FLACC1: variants seen among roughly 807,000 people sequenced by gnomAD.
FLACC1 encodes the protein flagellum-associated coiled-coil domain-containing protein 1.
A neutral mutation model predicts 62.8 loss-of-function variants in FLACC1; 66 were observed. That is an observed-to-expected ratio of 1.05 (90% CI 0.86 to 1.29). FLACC1 has a LOEUF of 1.29. Ranked by LOEUF, FLACC1 falls within the 50% of genes most tolerant of loss-of-function variation. The pLI, the probability that FLACC1 is intolerant of heterozygous loss-of-function variation, is 0.00. For missense variants in FLACC1, 452 were observed against 489.1 expected, an observed-to-expected ratio of 0.92 and a Z score of 0.71; for synonymous variants, 156 against 161.0, an observed-to-expected ratio of 0.97 and a Z score of 0.24.
chr2:201,317,500 G>A (rs1055480672), intron 9 of FLACC1, among the ~76,000 whole-genome samples: 1 of 152,158 alleles, frequency 6.6e-6, no homozygotes, highest in African/African-American at 2.4e-5. Flanking sequence ...CCAAGGAGTT[G>A]TAAGACCTGT....
intron 9 of FLACC1, among the ~76,000 whole-genome samples, chr2:201,329,532 G>A (rs1950553479): frequency 6.6e-6 from 1 of 152,142 alleles, no homozygotes; most frequent in Non-Finnish European, 1.5e-5. Flanking sequence ...GCAAAGACAT[G>A]GAATCAACCT....
In FLACC1 at chr2:201,307,555, G is replaced by A. The variant is rs764177245; in HGVS notation, c.843C>T (p.Cys281=). 1.2e-6 allele frequency: 2 copies of A among 1,614,166 alleles called. No homozygotes were observed. The highest frequency in any genetic ancestry group is 2.2e-5 in the South Asian group (2 of 91,082). ...GEEDKKINES[C]SAVFENFIQE... ...GAATGAAGTTCTCAAAGACAGCACT[G>A]CAGGATTCATTTATTTTCTTATCTT... The change falls in exon 11 of 15, where the codon TGC becomes TGT. Residue 281 remains cysteine, a synonymous_variant. Coordinates refer to ENST00000392257, the MANE Select transcript of FLACC1 (RefSeq NM_001127391.3).
intron 3 of FLACC1, among the ~76,000 whole-genome samples, chr2:201,348,674 G>C (rs1270727665): frequency 2.0e-5 from 3 of 151,254 alleles, no homozygotes; most frequent in Non-Finnish European, 4.4e-5. Flanking sequence ...ACTCAGTTCA[G>C]GGAACTGTGT....
intron 9 of FLACC1, among the ~76,000 whole-genome samples, chr2:201,317,838 T>G (rs910106053): frequency 6.6e-6 from 1 of 152,284 alleles, no homozygotes; most frequent in Admixed American, 6.5e-5. Flanking sequence ...TTACCTGATT[T>G]CAAACTATAT....
At chr2:201,291,403 C>T (rs994015342) in intron 12 of FLACC1, among the ~76,000 whole-genome samples, 1 of 152,222 alleles carries the variant, frequency 6.6e-6, no homozygotes, top group Non-Finnish European at 1.5e-5. Flanking sequence ...GCTGCTGATA[C>T]CCAGGCAAAC....
rs548311968 is a variant in FLACC1, at chr2:201,341,849, T to C, written c.524+521A>G. ...TCCTCCTACCGGACCATGGTAACCATGTTCTATTCTCTGTCTTTCTGTATT... is the reference window on the plus strand; with the variant it reads ...TCCTCCTACCGGACCATGGTAACCACGTTCTATTCTCTGTCTTTCTGTATT... On this transcript the variant is annotated intron_variant, in intron 7 of 14. Coordinates refer to ENST00000392257, the MANE Select transcript of FLACC1 (RefSeq NM_001127391.3). 2.9e-4 allele frequency among the ~76,000 whole-genome samples: 44 copies of C among 152,336 alleles called. 1 individual carries two copies. In the South Asian group the frequency reaches 9.1e-3, roughly 32 times the overall value.
chr2:201,330,302 A>G (rs1950565747), intron 9 of FLACC1, among the ~76,000 whole-genome samples, 168 bp downstream of exon 9: 1 of 152,164 alleles, frequency 6.6e-6, no homozygotes, highest in African/African-American at 2.4e-5. Context: ...CATGCATGGA[A>G]GCCATTGGGT....
chr2:201,289,881 T>A, intron 12 of FLACC1, 96 bp from the exon 13 acceptor site: 2 of 1,598,834 alleles, frequency 1.3e-6, no homozygotes, highest in Non-Finnish European at 1.7e-6. Context: ...GGGAGCAACC[T>A]GAGCTACTTT....
chr2:201,309,273 T>A (rs755731798), intron 9 of FLACC1, 23 bp from the exon 10 acceptor site: 1 of 1,572,294 alleles, frequency 6.4e-7, no homozygotes, highest in Admixed American at 1.7e-5. Flanking sequence ...AAAGGCACCA[T>A]GAAGAAAAGA....
At chr2:201,349,034 T>C (rs1950973714) in intron 3 of FLACC1, among the ~76,000 whole-genome samples, 1 of 152,212 alleles carries the variant, frequency 6.6e-6, no homozygotes, top group South Asian at 2.1e-4. Flanking sequence ...GGTCAGCTGA[T>C]TAGCAACCTT....
intron 3 of FLACC1, among the ~76,000 whole-genome samples, chr2:201,349,460 A>G (rs1950982630): frequency 6.6e-6 from 1 of 152,142 alleles, no homozygotes; most frequent in African/African-American, 2.4e-5. Context: ...CCTCGGATGT[A>G]ATAACTAGTT....
At chr2:201,303,368 A>G (rs1489019726) in intron 11 of FLACC1, among the ~76,000 whole-genome samples, 9 of 152,314 alleles carry the variant, frequency 5.9e-5, no homozygotes, top group Middle Eastern at 3.4e-3. Flanking sequence ...CACCCTCCCA[A>G]GACTTAACCA....
At chr2:201,347,883 G>C (rs556950881) in intron 4 of FLACC1, among the ~76,000 whole-genome samples, 1 of 152,290 alleles carries the variant, frequency 6.6e-6, no homozygotes, top group South Asian at 2.1e-4. Context: ...CTCCCCTGAG[G>C]GGTCCCGGCA....
chr2:201,322,183 C>T (rs578140148), intron 9 of FLACC1, among the ~76,000 whole-genome samples: 1 of 151,302 alleles, frequency 6.6e-6, no homozygotes, highest in East Asian at 1.9e-4. Context: ...GCACAAGAAT[C>T]ACTTGAACCC....
At position 201,300,488 on chromosome 2, in the gene FLACC1, C is replaced by T. The variant is rs549344512; in HGVS notation, c.880-1188G>A. ...GGCCTGCCTGCCTCTGTAGATTCCA[C>T]TTCTGGGGGCAGGGCATAGCTCAAC... On this transcript the variant is annotated intron_variant, in intron 11 of 14. Transcript: ENST00000392257. Among the ~76,000 whole-genome samples the T allele has an allele frequency of 2.0e-3, 308 of 152,320 alleles. 2 individuals are homozygous for T. Among genetic ancestry groups the T allele is most frequent in the Middle Eastern group, 3.4e-3 (1 of 294 alleles).
At chr2:201,335,576 T>C (rs907204658) in intron 7 of FLACC1, among the ~76,000 whole-genome samples, 8 of 152,188 alleles carry the variant, frequency 5.3e-5, no homozygotes, top group African/African-American at 1.9e-4. Context: ...GCTGTTTGGG[T>C]TACTATAGCT....
intron 14 of FLACC1, 59 bp downstream of exon 14, chr2:201,289,398 C>A: frequency 6.5e-7 from 1 of 1,530,444 alleles, no homozygotes; most frequent in South Asian, 1.1e-5. Context: ...ATTCCTCACT[C>A]AAACTCCTTC....
intron 7 of FLACC1, among the ~76,000 whole-genome samples, chr2:201,335,770 A>G (rs1950683123): frequency 6.6e-6 from 1 of 152,156 alleles, no homozygotes; most frequent in South Asian, 2.1e-4. Flanking sequence ...GGGTAGCATG[A>G]TCATTTAAAC....
upstream of FLACC1, chr2:201,357,524 T>C (rs1191905795): frequency 1.3e-5 from 2 of 152,242 alleles, no homozygotes; most frequent in Admixed American, 6.5e-5. Flanking sequence ...AAAGAATTCA[T>C]ACTTTTAACA....
Sources: allele counts gnomAD v4.1 joint callset (sites outside exome capture counted in the v4.1 genomes callset), GRCh38; gene constraint gnomAD v4.1.1; transcripts MANE v1.5; gene names NCBI Gene and HGNC (gene_info 2026-07-23, HGNC 2026-07-21).